MPP7: variants seen among roughly 807,000 people sequenced by gnomAD.
MPP7 encodes the protein MAGUK p55 scaffold protein 7, also known as MAGUK p55 subfamily member 7.
In MPP7, 60 loss-of-function variants were observed where a neutral mutation model predicts 76.5. The observed-to-expected ratio is 0.78, with a 90% CI of 0.64 to 0.97. The LOEUF is 0.97. Ranked by LOEUF, MPP7 falls within the 50% of genes least tolerant of loss-of-function variation. The pLI is 0.00. For synonymous variants in MPP7, 237 were observed against 244.5 expected, an observed-to-expected ratio of 0.97 and a Z score of 0.29; for missense variants, 641 against 694.0, an observed-to-expected ratio of 0.92 and a Z score of 0.86.
Position 28,062,832 on chromosome 10 carries a change from A to C in MPP7, c.1205-3089T>G, listed in dbSNP as rs955263157. Among the ~76,000 whole-genome samples the C allele has an allele frequency of 1.6e-4, 25 of 152,226 alleles. 1 individual carries two copies. Among genetic ancestry groups the C allele is most frequent in the Admixed American group, 6.5e-5 (1 of 15,284 alleles). ...AGCAAGGCAAGTTTGCTAAGTAACA[A>C]CATGAAAAATAACTCGAAATGGGTC... On this transcript the variant is annotated intron_variant, in intron 13 of 16. Transcript: ENST00000683449.
At chr10:28,091,321 C>G (rs1250796133) in intron 11 of MPP7, among the ~76,000 whole-genome samples, 10 of 139,006 alleles carry the variant, frequency 7.2e-5, no homozygotes, top group Admixed American at 6.0e-4. Context: ...GAGTTTTGCT[C>G]TTGTTGTCCA....
At chr10:28,079,735 C>A (rs902557511) in intron 12 of MPP7, among the ~76,000 whole-genome samples, 1 of 151,934 alleles carries the variant, frequency 6.6e-6, no homozygotes, top group African/African-American at 2.4e-5. Flanking sequence ...ACATTCTGAG[C>A]GAATGAATAA....
intron 11 of MPP7, among the ~76,000 whole-genome samples, chr10:28,116,968 A>G (rs60202642): frequency 0.017 from 2,561 of 152,216 alleles, 72 homozygotes; most frequent in African/African-American, 0.056. Context: ...GCCAAGAACT[A>G]GAGCTCTAGC....
At chr10:28,229,590 T>C (rs1838808148) in intron 2 of MPP7, among the ~76,000 whole-genome samples, 1 of 151,988 alleles carries the variant, frequency 6.6e-6, no homozygotes, top group African/African-American at 2.4e-5. Flanking sequence ...ATACTGATAG[T>C]ATAAAACTGT....
chr10:28,089,817 A>C lies in MPP7; in HGVS notation c.977T>G (p.Leu326Arg), dbSNP rs746532119. The C allele has an allele frequency of 8.3e-6, 13 of 1,566,954 alleles. No individual in the cohort carries two copies. The South Asian group carries it at 9.3e-5, about 11-fold the overall frequency. The change falls in exon 12 of 17, where the codon CTT becomes CGT. Residue 326 changes from leucine (L) to arginine (R), a missense_variant. Physicochemically the swap from Leu to Arg is moderately radical, Grantham distance 102 (BLOSUM62 -2). Coordinates refer to ENST00000683449, the MANE Select transcript of MPP7 (RefSeq NM_001318170.2). ...ATTTGTTTTCTTATCTTTTCTACTA[A>C]GACGAAAACTTTTTCTAAAACCAGC... ...KSSGFRKSFR[L>R]SRKDKKTNKS...
At chr10:28,226,666 AC>A (rs1838701433) in intron 2 of MPP7, among the ~76,000 whole-genome samples, 2 of 146,342 alleles carry the variant, frequency 1.4e-5, no homozygotes, top group African/African-American at 2.6e-5. Context: ...TAAATTTTAT[AC>A]TTAAAAATGG....
chr10:28,147,849 G>C (rs971670231), intron 4 of MPP7, among the ~76,000 whole-genome samples: 2 of 152,160 alleles, frequency 1.3e-5, no homozygotes, highest in Admixed American at 1.3e-4. Context: ...TCGTCCATGT[G>C]AATGGTCTTT....
Position 28,056,639 on chromosome 10 carries a change from G to T in MPP7, c.1408-16C>A, listed in dbSNP as rs771812944. ...GCTTCACTGTCTACAAGGAAGAAAA[G>T]AAAGTTTTCTCACATTTCTCCATAG... is the stretch of plus-strand genomic sequence containing the variant. On this transcript the variant is annotated splice_polypyrimidine_tract_variant and intron_variant, in intron 15 of 16. Transcript: ENST00000683449. 5 of 1,531,380 alleles carry T rather than the reference G, an allele frequency of 3.3e-6. No individual in the cohort carries two copies. In the Admixed American group the frequency reaches 1.0e-4, roughly 31 times the overall value. The allele number at this position is 1,531,380 out of a possible 1,614,324, so 94.9% of individuals were successfully genotyped here.
At chr10:28,055,557 A>C (rs2801830) in intron 16 of MPP7, among the ~76,000 whole-genome samples, 1 of 152,082 alleles carries the variant, frequency 6.6e-6, no homozygotes, top group Non-Finnish European at 1.5e-5. Context: ...CAGAACCCAT[A>C]ATAGTCATGA....
intron 11 of MPP7, among the ~76,000 whole-genome samples, chr10:28,094,264 G>A (rs995838556): frequency 6.6e-6 from 1 of 151,610 alleles, no homozygotes; most frequent in Non-Finnish European, 1.5e-5. Context: ...TGCCTTGAAC[G>A]ATATTTTACA....
At chr10:28,201,660 T>C (rs965543715) in intron 3 of MPP7, among the ~76,000 whole-genome samples, 8 of 152,202 alleles carry the variant, frequency 5.3e-5, no homozygotes, top group African/African-American at 1.7e-4. Flanking sequence ...TCGGCTTCAG[T>C]GTATTTATAT....
rs550447826 is a variant in MPP7 at position 28,230,551 on chromosome 10, C to A, written c.37+8017G>T. ...AAAGAAGGCCAGGCGCAGTGGCTCA[C>A]GCCTGTAATCCCAGCACTTTGGGAA... is the stretch of plus-strand genomic sequence containing the variant. On this transcript the variant is annotated intron_variant, in intron 2 of 16. Coordinates refer to ENST00000683449, the MANE Select transcript of MPP7 (RefSeq NM_001318170.2). Among the ~76,000 whole-genome samples, 122 of 152,216 alleles carry A rather than the reference C, an allele frequency of 8.0e-4. 1 individual carries two copies. Among genetic ancestry groups the A allele is most frequent in the African/African-American group, 2.8e-3 (118 of 41,546 alleles).
intron 1 of MPP7, among the ~76,000 whole-genome samples, chr10:28,262,288 T>TCTTCACCATGTTGGCCAGGATGGTCTCGC (rs1840017110): frequency 7.9e-6 from 1 of 126,530 alleles, no homozygotes; most frequent in East Asian, 2.4e-4. Flanking sequence ...TTTTTTTTTT[T>TCTTCACCATGTTGGCCAGGATGGTCTCGC]TTCTTCACCA....
chr10:28,184,291 C>T (rs1006146933), intron 3 of MPP7, among the ~76,000 whole-genome samples: 3 of 147,606 alleles, frequency 2.0e-5, no homozygotes, highest in Non-Finnish European at 4.5e-5. Flanking sequence ...ATATATCTTA[C>T]ATATAAAAAT....
At chr10:28,213,582 CA>C (rs766286908) in intron 2 of MPP7, among the ~76,000 whole-genome samples, 9 of 151,778 alleles carry the variant, frequency 5.9e-5, no homozygotes, top group Non-Finnish European at 1.3e-4. Flanking sequence ...ATCAAGAGGT[CA>C]GGAGTTCAAG....
intron 1 of MPP7, among the ~76,000 whole-genome samples, chr10:28,265,103 T>C (rs1840105485): frequency 6.6e-6 from 1 of 152,104 alleles, no homozygotes; most frequent in African/African-American, 2.4e-5. Context: ...AGACAAGAGA[T>C]AGGTCCCTGA....
In MPP7 at chr10:28,224,718, A is replaced by G. The variant is rs543187922; in HGVS notation, c.37+13850T>C. Among the ~76,000 whole-genome samples, 4 of 152,276 alleles carry G rather than the reference A, an allele frequency of 2.6e-5. No individual in the cohort carries two copies. The South Asian group carries it at 8.3e-4, about 32-fold the overall frequency. ...ATTACTATTAGATAACAAAAGCATC[A>G]ATGGAGAAAGTTAACAGGATTCCAA... is the stretch of plus-strand genomic sequence containing the variant. On this transcript the variant is annotated intron_variant, in intron 2 of 16. Transcript: ENST00000683449.
intron 12 of MPP7, among the ~76,000 whole-genome samples, chr10:28,084,635 T>C (rs1329629499): frequency 6.6e-6 from 1 of 152,106 alleles, no homozygotes; most frequent in East Asian, 1.9e-4. Flanking sequence ...CAAGACTACC[T>C]CTATCTATGG....
At chr10:28,175,670 T>C (rs1471849519) in intron 3 of MPP7, among the ~76,000 whole-genome samples, 3 of 152,310 alleles carry the variant, frequency 2.0e-5, no homozygotes, top group Admixed American at 2.0e-4. Flanking sequence ...TGAAGAAGTA[T>C]GATACTTAAG....
Sources: gnomAD v4.1 joint callset for allele counts (sites outside exome capture counted in the v4.1 genomes callset) on GRCh38, gnomAD v4.1.1 for gene constraint, MANE v1.5 for transcripts, NCBI Gene and HGNC (gene_info 2026-07-23, HGNC 2026-07-21) for gene names.